The following UGT2B4 variants were observed in gnomAD, a reference collection of about 807,000 sequenced individuals.
UGT2B4 encodes UDP glucuronosyltransferase family 2 member B4, also known as UDP-glucuronosyltransferase 2B4.
A neutral mutation model predicts 49.8 loss-of-function variants in UGT2B4; 49 were observed. The ratio of observed to expected loss-of-function variants is 0.98; its 90% CI spans 0.78 to 1.25. The LOEUF is 1.25. Ranked by LOEUF, UGT2B4 falls within the 50% of genes most tolerant of loss-of-function variation. The probability of loss-of-function intolerance (pLI) is 0.00; values close to 1 mark genes in which losing one functional copy is unlikely to be tolerated. For missense variants in UGT2B4, 729 were observed against 627.7 expected, an observed-to-expected ratio of 1.16 and a Z score of -1.73; for synonymous variants, 246 against 217.7, an observed-to-expected ratio of 1.13 and a Z score of -1.14.
At chr4:69,491,275 TA>T (rs1392270973) in intron 2 of UGT2B4, among the ~76,000 whole-genome samples, 1 of 152,090 alleles carries the variant, frequency 6.6e-6, no homozygotes, top group Admixed American at 6.6e-5. Context: ...ATTTTATTGA[TA>T]AAATTATTGT....
At chr4:69,496,877 T>C (rs1728181932), upstream of UGT2B4, among the ~76,000 whole-genome samples, 1 of 152,086 alleles carries the variant, frequency 6.6e-6, no homozygotes, top group Admixed American at 6.5e-5. Context: ...AACCATCATG[T>C]ATGATTTAGA....
At chr4:69,491,653 G>A (rs886561642) in intron 2 of UGT2B4, among the ~76,000 whole-genome samples, 19 of 152,112 alleles carry the variant, frequency 1.2e-4, no homozygotes, top group African/African-American at 4.6e-4. Flanking sequence ...AGTAACAACA[G>A]CTAGTATTAG....
chr4:69,520,784 C>T (rs1039239157), intron 1 of UGT2B4, among the ~76,000 whole-genome samples: 1 of 152,128 alleles, frequency 6.6e-6, no homozygotes, highest in African/African-American at 2.4e-5. Flanking sequence ...TCGGTATTAA[C>T]AGCCTGAGTG....
chr4:69,486,668 G>A lies in UGT2B4; in HGVS notation c.1031C>T (p.Pro344Leu), dbSNP rs780748074. The A allele has an allele frequency of 2.5e-6, 4 of 1,607,540 alleles. No individual in the cohort carries two copies. The highest frequency in any genetic ancestry group is 1.3e-5 in the African/African-American group (1 of 74,482). Residue 344 changes from proline to leucine, a missense_variant, in exon 4 of 6, where the codon CCA becomes CTA. Coordinates refer to ENST00000305107, the MANE Select transcript of UGT2B4 (RefSeq NM_021139.3). ...KVLWRFDGNK[P>L]DTLGLNTRLY... is the part of the protein sequence containing the mutation. ...CCGAGTATTGAGTCCTAAAGTATCT[G>A]GTTTATTCCCATCAAATCTCCACAG... is the stretch of plus-strand genomic sequence containing the variant.
chr4:69,506,869 A>T (rs1728481212), intron 1 of UGT2B4, among the ~76,000 whole-genome samples: 1 of 152,176 alleles, frequency 6.6e-6, no homozygotes, highest in African/African-American at 2.4e-5. Flanking sequence ...AAAAAGCTTT[A>T]TCCACCATGA....
chr4:69,486,208 G>T (rs748423704), intron 4 of UGT2B4, among the ~76,000 whole-genome samples: 1 of 152,060 alleles, frequency 6.6e-6, no homozygotes, highest in Admixed American at 6.6e-5. Flanking sequence ...TTAAGATTAG[G>T]GATTTAATCC....
chr4:69,488,326 T>C (rs41297411), intron 3 of UGT2B4, among the ~76,000 whole-genome samples: 219 of 152,280 alleles, frequency 1.4e-3, no homozygotes, highest in African/African-American at 4.8e-3. Flanking sequence ...CAACAGTGAT[T>C]CGTATGTTTT....
chr4:69,499,749 G>A (rs550261682), upstream of UGT2B4, among the ~76,000 whole-genome samples: 7 of 152,224 alleles, frequency 4.6e-5, no homozygotes, highest in East Asian at 1.4e-3. Flanking sequence ...TTGAGCCTAT[G>A]TGTGTCTTTG....
intron 3 of UGT2B4, 26 bp from the exon 4 acceptor site, chr4:69,486,722 T>C: frequency 1.3e-6 from 2 of 1,534,276 alleles, no homozygotes; most frequent in Non-Finnish European, 1.8e-6. Flanking sequence ...AAATATCTTA[T>C]TCCATGAGTG....
Position 69,493,799 on chromosome 4 carries a change from A to G in UGT2B4, c.764T>C (p.Ile255Thr). Residue 255 changes from isoleucine to threonine, a missense_variant, in exon 2 of 6, where the codon ATA becomes ACA. Transcript: ENST00000305107. The part of the protein sequence containing the change: ...TLSETMAKAD[I>T]WLIRNYWDFQ... ...ATCCCAGTAGTTTCGAATAAGCCAT[A>G]TGTCAGCTTTTGCCATTGTCTCAGA... 4 of 1,607,496 alleles carry G rather than the reference A, an allele frequency of 2.5e-6. No individual in the cohort carries two copies. The highest frequency in any genetic ancestry group is 3.4e-6 in the Non-Finnish European group (4 of 1,177,346).
intron 1 of UGT2B4, among the ~76,000 whole-genome samples, chr4:69,516,371 T>A (rs2109831414): frequency 6.6e-6 from 1 of 152,284 alleles, no homozygotes; most frequent in Admixed American, 6.5e-5. Flanking sequence ...CTGAGTCAAG[T>A]GGTATTTCTG....
chr4:69,483,434 T>C (rs928883901), intron 5 of UGT2B4, among the ~76,000 whole-genome samples: 2 of 152,194 alleles, frequency 1.3e-5, no homozygotes, highest in African/African-American at 4.8e-5. Flanking sequence ...AATTGTGTTC[T>C]TCAGTTGTTT....
chr4:69,498,258 T>C (rs1159058367), upstream of UGT2B4, among the ~76,000 whole-genome samples: 1 of 152,192 alleles, frequency 6.6e-6, no homozygotes, highest in Non-Finnish European at 1.5e-5. Context: ...AAGTATTTCT[T>C]GTGTTAGCAA....
chr4:69,504,547 G>A (rs1728422924), intron 1 of UGT2B4, among the ~76,000 whole-genome samples: 1 of 151,924 alleles, frequency 6.6e-6, no homozygotes, highest in Non-Finnish European at 1.5e-5. Flanking sequence ...GACAAAAATA[G>A]AAAAAGAAAG....
In UGT2B4 at chr4:69,520,062, C is replaced by G. The variant is rs180978734; in HGVS notation, c.-106+5625G>C. Among the ~76,000 whole-genome samples the G allele has an allele frequency of 1.2e-3, 187 of 152,182 alleles. 1 individual carries two copies. The highest frequency in any genetic ancestry group is 2.1e-3 in the Non-Finnish European group (144 of 67,994). On this transcript the variant is annotated intron_variant, in intron 1 of 1. Coordinates refer to the UGT2B4 transcript ENST00000510114. The stretch of plus-strand genomic sequence containing the variant: ...CATATAATAATAGATTTTTTAAAAA[C>G]TCTACTTATTTCCTATCAAAAACAC...
upstream of UGT2B4, among the ~76,000 whole-genome samples, chr4:69,499,608 A>G (rs906698101): frequency 1.3e-5 from 2 of 152,190 alleles, no homozygotes; most frequent in South Asian, 4.1e-4. Flanking sequence ...ACCCTTTACC[A>G]TTATGTAATA....
intron 5 of UGT2B4, among the ~76,000 whole-genome samples, chr4:69,482,095 CT>C (rs1009693379): frequency 1.3e-5 from 2 of 152,134 alleles, no homozygotes; most frequent in Non-Finnish European, 2.9e-5. Flanking sequence ...CTTTAAGCTC[CT>C]GTCCTAGCAT....
intron 1 of UGT2B4, among the ~76,000 whole-genome samples, chr4:69,524,238 A>G (rs1466158474): frequency 3.3e-5 from 5 of 152,162 alleles, no homozygotes; most frequent in Admixed American, 1.3e-4. Flanking sequence ...ATTTCAGCCT[A>G]TCTCAGCTTT....
At chr4:69,481,822 C>T (rs190784590) in intron 5 of UGT2B4, among the ~76,000 whole-genome samples, 1 of 152,268 alleles carries the variant, frequency 6.6e-6, no homozygotes, top group Admixed American at 6.5e-5. Context: ...GGGTGAAATG[C>T]CTCATAGCCA....
Sources: allele counts gnomAD v4.1 joint callset (sites outside exome capture counted in the v4.1 genomes callset), GRCh38; gene constraint gnomAD v4.1.1; transcripts MANE v1.5; gene names NCBI Gene and HGNC (gene_info 2026-07-23, HGNC 2026-07-21).